ARID4B: variants seen among roughly 807,000 people sequenced by gnomAD.
ARID4B encodes the protein AT-rich interactive domain-containing protein 4B.
ARID4B carries 26 observed loss-of-function variants against 147.5 expected under a neutral mutation model. That is an observed-to-expected ratio of 0.18 (90% CI 0.13 to 0.24). ARID4B has a LOEUF of 0.24. ARID4B is among the 10% of genes least tolerant of loss of function. The probability of loss-of-function intolerance (pLI) is 1.00; values close to 1 mark genes in which losing one functional copy is unlikely to be tolerated. For synonymous variants in ARID4B, 512 were observed against 507.9 expected (o/e 1.01, Z -0.11); for missense variants, 1,179 against 1,511.5 (o/e 0.78, Z 3.65).
chr1:235,198,711 C>T (rs1393706194), intron 17 of ARID4B, among the ~76,000 whole-genome samples: 1 of 152,154 alleles, frequency 6.6e-6, no homozygotes, highest in African/African-American at 2.4e-5. Flanking sequence ...GCAGGACACA[C>T]ACACAAAAAT....
chr1:235,182,148 C>G lies in ARID4B; in HGVS notation c.2771G>C (p.Arg924Pro). The G allele has an allele frequency of 6.2e-7, 1 of 1,614,162 alleles. No homozygotes were observed. The highest frequency in any genetic ancestry group is 8.5e-7 in the Non-Finnish European group (1 of 1,180,014). Reference sequence around the variant, plus strand: ...CTGAATACTTGACCAGACATCTTTTCGATCTTTGGCCCTGCTGTTTTGAAG... The same window carrying G: ...CTGAATACTTGACCAGACATCTTTTGGATCTTTGGCCCTGCTGTTTTGAAG... ...ERLQNSRAKD[R>P]KDVWSSIQGQ... The change falls in exon 20 of 24, where the codon CGA (arginine) becomes CCA (proline). Residue 924 changes from arginine (R) to proline (P), a missense_variant. Around this residue, in one of 10 missense-constraint regions of ARID4B, gnomAD observed 321 missense variants for 342.4 expected, o/e 0.94. Coordinates refer to ENST00000264183, the MANE Select transcript of ARID4B (RefSeq NM_016374.6).
Position 235,327,994 on chromosome 1 carries a change from C to A in ARID4B, c.-275G>T, listed in dbSNP as rs1240438602. ...GGGGGAGGGGGACGACGAAAAATCC[C>A]CCCCGGACTGGAGGTCCGGGCCCCC... On this transcript the variant is annotated 5_prime_UTR_variant, in exon 1 of 24. Coordinates refer to ENST00000264183, the MANE Select transcript of ARID4B (RefSeq NM_016374.6). 4 of 152,802 alleles carry A rather than the reference C, an allele frequency of 2.6e-5. No homozygotes were observed. The highest frequency in any genetic ancestry group is 1.9e-4 in the East Asian group (1 of 5,162). The allele number at this position is 152,802 out of a possible 1,614,324, so 9.5% of individuals were successfully genotyped here. A position where few individuals can be genotyped will look rare whatever the true frequency, so the allele number is the denominator to read the frequency against.
At chr1:235,300,624 T>A (rs1024652291) in intron 2 of ARID4B, among the ~76,000 whole-genome samples, 4 of 152,158 alleles carry the variant, frequency 2.6e-5, no homozygotes, top group Non-Finnish European at 5.9e-5. Context: ...AACTTCATCA[T>A]TTTTAATTAT....
At chr1:235,257,310 A>G in intron 3 of ARID4B, 85 bp from the exon 4 acceptor site, 1 of 897,254 alleles carries the variant, frequency 1.1e-6, no homozygotes, top group Non-Finnish European at 1.8e-6. Context: ...TTTGTAGTAA[A>G]AGAAATATAA....
chr1:235,278,276 G>A (rs1036924626), intron 2 of ARID4B, among the ~76,000 whole-genome samples: 8 of 152,092 alleles, frequency 5.3e-5, no homozygotes, highest in African/African-American at 1.7e-4. Context: ...GGATCTCAAT[G>A]CACATGCAAA....
intron 11 of ARID4B, among the ~76,000 whole-genome samples, chr1:235,225,539 T>C (rs946341564): frequency 6.6e-6 from 1 of 152,200 alleles, no homozygotes. Context: ...TGAGCACCTG[T>C]AAGTGTAGGT....
rs981020647 is a variant in ARID4B at position 235,328,034 on chromosome 1, C to A, written c.-315G>T. 1 of 152,782 alleles carries A rather than the reference C, an allele frequency of 6.5e-6. No individual in the cohort carries two copies. The highest frequency in any genetic ancestry group is 1.5e-5 in the Non-Finnish European group (1 of 68,218). 9.5% of individuals were successfully genotyped at this position (152,782 alleles called of 1,614,324 possible). On this transcript the variant is annotated 5_prime_UTR_variant, in exon 1 of 24. Transcript: ENST00000264183. ...TCCGGGCCCCCAATCGCGCTGCCCT[C>A]CAGAGGACGGCGGCGATGGACCCTC...
chr1:235,260,904 A>T (rs548628336), intron 2 of ARID4B, 152 bp from the exon 3 acceptor site: 74 of 559,364 alleles, frequency 1.3e-4, no homozygotes, highest in Middle Eastern at 4.6e-4. Flanking sequence ...ACTATAAATT[A>T]AAAAACAAGT....
At chr1:235,209,340 A>G (rs1470904876) in intron 17 of ARID4B, among the ~76,000 whole-genome samples, 1 of 152,014 alleles carries the variant, frequency 6.6e-6, no homozygotes, top group African/African-American at 2.4e-5. Flanking sequence ...GCATGGTGGC[A>G]TGTGCCTACA....
At chr1:235,215,095 G>A (rs528475100) in intron 16 of ARID4B, among the ~76,000 whole-genome samples, 3 of 151,700 alleles carry the variant, frequency 2.0e-5, no homozygotes, top group South Asian at 2.1e-4. Flanking sequence ...TCCACCCACC[G>A]TGGCCTCCCA....
At chr1:235,171,144 T>G (rs1253150482) in intron 23 of ARID4B, among the ~76,000 whole-genome samples, 2 of 152,060 alleles carry the variant, frequency 1.3e-5, no homozygotes, top group Non-Finnish European at 1.5e-5. Context: ...AATGATACCT[T>G]ATTTGGGCCA....
chr1:235,327,379 G>T (rs1254758645), intron 1 of ARID4B: 1 of 152,536 alleles, frequency 6.6e-6, no homozygotes, highest in Non-Finnish European at 1.5e-5. Context: ...GAGGGGCCAG[G>T]AGGGCCTGTG....
chr1:235,176,935 TCTTA>T (rs1663926846), intron 21 of ARID4B: 1 of 471,018 alleles, frequency 2.1e-6, no homozygotes, highest in African/African-American at 2.0e-5. Context: ...ATTTTCTGCT[TCTTA>T]CTTTGTCTAC....
At chr1:235,310,557 C>T (rs987377162) in intron 2 of ARID4B, among the ~76,000 whole-genome samples, 4 of 152,292 alleles carry the variant, frequency 2.6e-5, no homozygotes, top group South Asian at 4.1e-4. Flanking sequence ...ACTTTAAAAA[C>T]GTAATGTGCC....
intron 2 of ARID4B, among the ~76,000 whole-genome samples, chr1:235,289,089 A>C (rs1393311632): frequency 1.3e-5 from 2 of 152,228 alleles, no homozygotes; most frequent in African/African-American, 2.4e-5. Flanking sequence ...CTATACTTGC[A>C]CATGTGTGAG....
chr1:235,272,346 T>A (rs1413004215), intron 2 of ARID4B, among the ~76,000 whole-genome samples: 1 of 152,202 alleles, frequency 6.6e-6, no homozygotes, highest in Non-Finnish European at 1.5e-5. Context: ...AGAAATAGTG[T>A]CTTATTCACC....
chr1:235,216,814 T>C (rs1175762816), intron 16 of ARID4B, among the ~76,000 whole-genome samples: 2 of 152,016 alleles, frequency 1.3e-5, no homozygotes, highest in Non-Finnish European at 2.9e-5. Flanking sequence ...TTTGAAAGAA[T>C]ACTTGCCTAA....
chr1:235,260,823 T>G (rs1252905943), intron 2 of ARID4B, 71 bp from the exon 3 acceptor site: 2 of 1,058,254 alleles, frequency 1.9e-6, no homozygotes, highest in African/African-American at 3.2e-5. Flanking sequence ...CTCAGAATAG[T>G]GAGCCTAATC....
At chr1:235,179,667 G>A (rs1371774339) in intron 20 of ARID4B, among the ~76,000 whole-genome samples, 1 of 151,630 alleles carries the variant, frequency 6.6e-6, no homozygotes, top group African/African-American at 2.4e-5. Flanking sequence ...GATTCAAAAG[G>A]GCAGTGTTGA....
Sources: allele counts gnomAD v4.1 joint callset (sites outside exome capture counted in the v4.1 genomes callset), GRCh38; gene constraint gnomAD v4.1.1; regional missense constraint gnomAD v4.1.1; transcripts MANE v1.5; gene names NCBI Gene and HGNC (gene_info 2026-07-23, HGNC 2026-07-21).